Variants in CYSTM1 observed in about 807,000 individuals in gnomAD.
CYSTM1 encodes cysteine rich transmembrane module containing 1, also known as cysteine-rich transmembrane module-containing protein 1.
Under a neutral mutation model 13.1 loss-of-function variants are expected in CYSTM1, and 4 were observed. The ratio of observed to expected loss-of-function variants is 0.31; its 90% confidence interval spans 0.15 to 0.70. The LOEUF (loss-of-function observed/expected upper bound fraction) is 0.70, where lower values mean the gene tolerates loss of function less well. Ranked by LOEUF, CYSTM1 falls within the 30% of genes least tolerant of loss-of-function variation. CYSTM1 has a pLI of 0.72. For synonymous variants in CYSTM1, 36 were observed against 42.7 expected, an observed-to-expected ratio of 0.84 and a Z score of 0.62; for missense variants, 96 against 121.6, an observed-to-expected ratio of 0.79 and a Z score of 0.99.
intron 2 of CYSTM1, chr5:140,200,373 AG>A (rs1278866430): frequency 1.3e-5 from 2 of 152,162 alleles, no homozygotes; most frequent in African/African-American, 4.8e-5. Context: ...TTTATTAAAT[AG>A]GGAATCCTTT....
intron 1 of CYSTM1, among the ~76,000 whole-genome samples, chr5:140,176,495 C>T (rs1432494796): frequency 3.3e-5 from 5 of 152,312 alleles, no homozygotes; most frequent in Admixed American, 3.3e-4. Context: ...AAGGGCAGCT[C>T]ATTTTCGAGT....
At position 140,219,831 on chromosome 5, in the gene CYSTM1, A is replaced by G. The variant is rs374392693; in HGVS notation, c.188-23474A>G. 1.0e-3 allele frequency among the ~76,000 whole-genome samples: 156 copies of G among 152,336 alleles called. No individual in the cohort carries two copies. The highest frequency in any genetic ancestry group is 3.7e-3 in the African/African-American group (153 of 41,578). ...AGCACTCAATGTGAATCAGGCTAAC[A>G]TTGACGATAACAGAGTAGTCTGTGC... On this transcript the variant is annotated intron_variant, in intron 2 of 2. Transcript: ENST00000261811. The surrounding 1 kb of genome is among the most constrained non-coding windows in gnomAD (Gnocchi z 4.1).
intron 1 of CYSTM1, among the ~76,000 whole-genome samples, chr5:140,177,830 A>T (rs1763909689): frequency 6.6e-6 from 1 of 152,154 alleles, no homozygotes; most frequent in African/African-American, 2.4e-5. Context: ...TAGAAAAGTA[A>T]CTGTTTTCCA....
At chr5:140,238,112 G>C (rs1764705545) in intron 2 of CYSTM1, among the ~76,000 whole-genome samples, 1 of 152,170 alleles carries the variant, frequency 6.6e-6, no homozygotes, top group South Asian at 2.1e-4. Context: ...CTTGGAGTGG[G>C]TATCTTGGGA....
chr5:140,218,880 C>T (rs1581068652), intron 2 of CYSTM1, among the ~76,000 whole-genome samples: 1 of 152,312 alleles, frequency 6.6e-6, no homozygotes, highest in Middle Eastern at 3.4e-3. Flanking sequence ...GGGGTGAAAT[C>T]AGATGCCCTC....
intron 1 of CYSTM1, among the ~76,000 whole-genome samples, chr5:140,191,622 G>C (rs1333555513): frequency 6.6e-6 from 1 of 152,138 alleles, no homozygotes; most frequent in Non-Finnish European, 1.5e-5. Flanking sequence ...ATTGTTTTTA[G>C]ATGAACAATG....
intron 1 of CYSTM1, among the ~76,000 whole-genome samples, chr5:140,176,724 C>A (rs1763890316): frequency 6.6e-6 from 1 of 152,140 alleles, no homozygotes; most frequent in African/African-American, 2.4e-5. Flanking sequence ...TCATGTGGGG[C>A]ATTGGATTCG....
intron 2 of CYSTM1, among the ~76,000 whole-genome samples, chr5:140,229,681 TTATC>T (rs1365312315): frequency 1.3e-5 from 2 of 152,118 alleles, no homozygotes; most frequent in Admixed American, 6.6e-5. Flanking sequence ...ATTTATTTAT[TTATC>T]TATTTATTTA....
At chr5:140,222,353 C>G (rs916261665) in intron 2 of CYSTM1, among the ~76,000 whole-genome samples, 6 of 152,222 alleles carry the variant, frequency 3.9e-5, no homozygotes, top group African/African-American at 1.4e-4. Context: ...TGGCACAGGA[C>G]CGGTTTTTCC....
chr5:140,210,340 T>C (rs936926331), intron 2 of CYSTM1, among the ~76,000 whole-genome samples: 44 of 152,130 alleles, frequency 2.9e-4, no homozygotes, highest in African/African-American at 1.0e-3. Context: ...TCCTGTGTAT[T>C]GTAGGATGCT....
Position 140,215,861 on chromosome 5 carries a change from C to T in CYSTM1, c.187+21209C>T, listed in dbSNP as rs544899908. 7.0e-4 allele frequency among the ~76,000 whole-genome samples: 107 copies of T among 152,152 alleles called. 1 individual carries two copies. Among genetic ancestry groups the T allele is most frequent in the African/African-American group, 2.6e-3 (106 of 41,496 alleles). ...TTTAACTTTAAAAAGTCTGTATAGG[C>T]GGGGCACAATGACTCACACCTGTAA... On this transcript the variant is annotated intron_variant, in intron 2 of 2. Transcript: ENST00000261811.
chr5:140,240,869 C>T (rs937703620), intron 2 of CYSTM1, among the ~76,000 whole-genome samples: 1 of 152,276 alleles, frequency 6.6e-6, no homozygotes, highest in Admixed American at 6.5e-5. Context: ...CGCTACTCCC[C>T]ATTGCCCATC....
At chr5:140,185,027 C>T (rs891103944) in intron 1 of CYSTM1, among the ~76,000 whole-genome samples, 7 of 152,152 alleles carry the variant, frequency 4.6e-5, no homozygotes, top group Admixed American at 6.5e-5. Flanking sequence ...TTGGGGATAG[C>T]GGCTTAAAGC....
chr5:140,234,728 G>A (rs191369477), intron 2 of CYSTM1, among the ~76,000 whole-genome samples: 10 of 152,228 alleles, frequency 6.6e-5, no homozygotes, highest in Non-Finnish European at 4.4e-5. Flanking sequence ...CTTGTGGGCC[G>A]GGTTATGCTC....
chr5:140,203,811 A>G (rs981538371), intron 2 of CYSTM1, among the ~76,000 whole-genome samples: 6 of 152,188 alleles, frequency 3.9e-5, no homozygotes, highest in Non-Finnish European at 5.9e-5. Context: ...AAGAGTCCTC[A>G]CATGATCATC....
chr5:140,235,592 A>G (rs1413590411), intron 2 of CYSTM1, among the ~76,000 whole-genome samples: 4 of 151,938 alleles, frequency 2.6e-5, no homozygotes, highest in African/African-American at 9.7e-5. Flanking sequence ...TTTTCAGTAG[A>G]GACGAGGCTT....
rs1405022393 is a variant in CYSTM1 at position 140,242,448 on chromosome 5, GA to G, written c.188-853del. Among the ~76,000 whole-genome samples, 141 of 152,184 alleles carry G rather than the reference GA, an allele frequency of 9.3e-4. 4 individuals are homozygous for G. The highest frequency in any genetic ancestry group is 3.4e-4 in the Non-Finnish European group (23 of 68,016). On this transcript the variant is annotated intron_variant, in intron 2 of 2. Coordinates refer to ENST00000261811, the MANE Select transcript of CYSTM1 (RefSeq NM_032412.4). Reference sequence around the variant, plus strand: ...AACATTCATGCATTCATGAACTTTGGAAAAGTGAAATGCTTACTGCTTATGA... The same window carrying G: ...AACATTCATGCATTCATGAACTTTGGAAAGTGAAATGCTTACTGCTTATGA...
At chr5:140,211,221 G>A (rs1054130547) in intron 2 of CYSTM1, among the ~76,000 whole-genome samples, 5 of 152,206 alleles carry the variant, frequency 3.3e-5, no homozygotes, top group Non-Finnish European at 7.3e-5. Context: ...TGCAAGGTAG[G>A]TCTTCTTATC....
chr5:140,175,730 G>A lies in CYSTM1; in HGVS notation c.-21+445G>A, dbSNP rs933787628. Among the ~76,000 whole-genome samples, 3 of 152,244 alleles carry A rather than the reference G, an allele frequency of 2.0e-5. No individual in the cohort carries two copies. Among genetic ancestry groups the A allele is most frequent in the African/African-American group, 4.8e-5 (2 of 41,462 alleles). ...CTGGGCCAGCCGGGGGCAGGGGGCA[G>A]GTCGCGAGTCCCGCGGGTGGGAGCG... On this transcript the variant is annotated intron_variant, in intron 1 of 2. Transcript: ENST00000261811. This position sits in a 1 kb window ranked among gnomAD's most constrained non-coding sequence, Gnocchi z 4.9.
Sources: allele counts gnomAD v4.1 joint callset (sites outside exome capture counted in the v4.1 genomes callset), GRCh38; gene constraint gnomAD v4.1.1; non-coding constraint Gnocchi (gnomAD v3.1); transcripts MANE v1.5; gene names NCBI Gene and HGNC (gene_info 2026-07-23, HGNC 2026-07-21).